PPP6R1: variants seen among roughly 807,000 people sequenced by gnomAD.
PPP6R1 encodes protein phosphatase 6 regulatory subunit 1.
PPP6R1 carries 39 observed loss-of-function variants against 104.6 expected under a neutral mutation model. That is an observed-to-expected ratio of 0.37 (90% confidence interval 0.29 to 0.49). The LOEUF (loss-of-function observed/expected upper bound fraction) is 0.49, where lower values mean the gene tolerates loss of function less well. Among genes scored for constraint, PPP6R1 ranks in the 20% least tolerant of loss-of-function variants. The pLI, the probability that PPP6R1 is intolerant of heterozygous loss-of-function variation, is 0.98. For missense variants in PPP6R1, 1,181 were observed against 1,155.8 expected (o/e 1.02, Z -0.32); for synonymous variants, 549 against 479.0 (o/e 1.15, Z -1.91).
Position 55,241,023 on chromosome 19 carries a change from G to C in PPP6R1, c.1218C>G (p.Cys406Trp), listed in dbSNP as rs562528086. 1.3e-6 allele frequency: 2 copies of C among 1,576,144 alleles called. No homozygotes were observed. Among genetic ancestry groups the C allele is most frequent in the South Asian group, 2.3e-5 (2 of 85,680 alleles). The change falls in exon 10 of 24, where the codon TGC (cysteine) becomes TGG (tryptophan). Residue 406 changes from cysteine to tryptophan, a missense_variant. Transcript: ENST00000412770. This position sits in a 1 kb window ranked among gnomAD's most constrained non-coding sequence, Gnocchi z 5.4. ...GCCCCAAGCTCAGCATGGTGCTCAC[G>C]CATCCCTCTACTTGGGCATGCAAGA... ...NNFLHAQVEG[C>W]VSTMLSLGPP...
At chr19:55,251,503 G>C (rs1023385305) in intron 1 of PPP6R1, among the ~76,000 whole-genome samples, 1 of 152,218 alleles carries the variant, frequency 6.6e-6, no homozygotes, top group Non-Finnish European at 1.5e-5. Flanking sequence ...GAAAGTGCAA[G>C]ATCGCCCTGG....
intron 1 of PPP6R1, chr19:55,255,596 CCCCATCAAGCCGGGTGCCGAGTGAT>C (rs2087586780): frequency 6.6e-6 from 1 of 152,370 alleles, no homozygotes; most frequent in African/African-American, 2.4e-5. Flanking sequence ...GGCAGGTGAG[CCCCATCAAGCCGGGTGCCGAGTGAT>C]TCCCACTCTG....
intron 1 of PPP6R1, among the ~76,000 whole-genome samples, chr19:55,249,227 TCACCAGTC>T (rs1389855815): frequency 2.6e-5 from 4 of 152,216 alleles, no homozygotes; most frequent in African/African-American, 9.6e-5. Flanking sequence ...CACTTACCCC[TCACCAGTC>T]CACTTTTCCC....
In PPP6R1 at chr19:55,241,472, C is replaced by T. The variant is rs1055727188; in HGVS notation, c.1008+5G>A. On this transcript the variant is annotated splice_donor_5th_base_variant and intron_variant, in intron 8 of 23. Coordinates refer to ENST00000412770, the MANE Select transcript of PPP6R1 (RefSeq NM_014931.4). This position sits in a 1 kb window ranked among gnomAD's most constrained non-coding sequence, Gnocchi z 5.4. ...TCCCCGAGGACCAGAACCCACACCC[C>T]TGACCTTGGGAGGCTCCAGCAGGAG... is the stretch of plus-strand genomic sequence containing the variant. 2.5e-6 allele frequency: 4 copies of T among 1,603,728 alleles called. No homozygotes were observed. The African/African-American group carries it at 5.4e-5, about 21-fold the overall frequency.
At chr19:55,257,838 C>T (rs1016171035) in intron 1 of PPP6R1, among the ~76,000 whole-genome samples, 3 of 152,268 alleles carry the variant, frequency 2.0e-5, no homozygotes, top group African/African-American at 7.2e-5. Context: ...AGGCTCCCTG[C>T]CTGCCCTCAG....
chr19:55,239,989 G>T lies in PPP6R1; in HGVS notation c.1477+10C>A, dbSNP rs777039288. On this transcript the variant is annotated intron_variant, in intron 12 of 23. Coordinates refer to ENST00000412770, the MANE Select transcript of PPP6R1 (RefSeq NM_014931.4). Reference sequence around the variant, plus strand: ...CCACCTAGCCCTCAGGCCGGCCTGGGGACCCTCACCCTTCAGCAGCTGCCG... The same window carrying T: ...CCACCTAGCCCTCAGGCCGGCCTGGTGACCCTCACCCTTCAGCAGCTGCCG... 6.2e-7 allele frequency: 1 copy of T among 1,607,032 alleles called. No homozygotes were observed. Among genetic ancestry groups the T allele is most frequent in the African/African-American group, 1.3e-5 (1 of 74,770 alleles).
At chr19:55,244,553 G>A (rs1189517850) in intron 5 of PPP6R1, among the ~76,000 whole-genome samples, 5 of 152,186 alleles carry the variant, frequency 3.3e-5, no homozygotes, top group Non-Finnish European at 5.9e-5. Flanking sequence ...TGGGGCCAGC[G>A]CTTGGACAGG....
chr19:55,230,970 C>G (rs776524023), intron 21 of PPP6R1, 86 bp from the exon 22 acceptor site: 33 of 1,179,874 alleles, frequency 2.8e-5, no homozygotes, highest in Non-Finnish European at 4.0e-5. Context: ...CTGAAGTCGG[C>G]TCACTGGGTG....
At chr19:55,244,712 T>C (rs1277602435) in intron 5 of PPP6R1, among the ~76,000 whole-genome samples, 1 of 152,166 alleles carries the variant, frequency 6.6e-6, no homozygotes, top group Non-Finnish European at 1.5e-5. Flanking sequence ...TACACCTGGT[T>C]CTCAATGCTC....
intron 1 of PPP6R1, among the ~76,000 whole-genome samples, chr19:55,250,746 C>G (rs79972989): frequency 0.041 from 6,168 of 152,176 alleles, 340 homozygotes; most frequent in African/African-American, 0.12. Context: ...ATCAGGCCTC[C>G]CACCCCGACC....
chr19:55,231,708 T>TTA, intron 19 of PPP6R1, 40 bp from the exon 20 acceptor site: 1 of 1,549,808 alleles, frequency 6.5e-7, no homozygotes, highest in Non-Finnish European at 8.7e-7. Flanking sequence ...GCAGCTAGGG[T>TTA]TAGCACTCGA....
At chr19:55,229,111 G>A (rs2087313272), downstream of PPP6R1, 1 of 244,034 alleles carries the variant, frequency 4.1e-6, no homozygotes, top group Non-Finnish European at 8.4e-6. Context: ...CTGGCTGGCA[G>A]GAGTGCCCCT....
intron 1 of PPP6R1, among the ~76,000 whole-genome samples, chr19:55,256,290 C>T (rs902366836): frequency 5.3e-5 from 8 of 152,242 alleles, no homozygotes; most frequent in African/African-American, 9.6e-5. Flanking sequence ...TCCTCCTCTG[C>T]GCTGCTAACA....
downstream of PPP6R1, chr19:55,229,003 C>T (rs2087312531): frequency 2.2e-6 from 1 of 460,262 alleles, no homozygotes; most frequent in East Asian, 3.5e-5. Flanking sequence ...GGAGGTTAGG[C>T]CCACAAATGC....
chr19:55,256,469 C>T (rs1413932403), intron 1 of PPP6R1, among the ~76,000 whole-genome samples: 1 of 152,222 alleles, frequency 6.6e-6, no homozygotes, highest in Non-Finnish European at 1.5e-5. Context: ...GGGACACAAT[C>T]GCCCCCAGTT....
intron 17 of PPP6R1, among the ~76,000 whole-genome samples, chr19:55,235,269 G>C (rs1434429587): frequency 6.6e-6 from 1 of 151,966 alleles, no homozygotes; most frequent in African/African-American, 2.4e-5. Context: ...GATTGGAGAG[G>C]GACGTCATCA....
chr19:55,254,923 G>A (rs2087581157), intron 1 of PPP6R1, among the ~76,000 whole-genome samples: 1 of 152,228 alleles, frequency 6.6e-6, no homozygotes, highest in South Asian at 2.1e-4. Context: ...CTCTGGGCAG[G>A]ACCTACGGTG....
chr19:55,253,169 C>T (rs994311943), intron 1 of PPP6R1, among the ~76,000 whole-genome samples: 1 of 152,250 alleles, frequency 6.6e-6, no homozygotes, highest in Non-Finnish European at 1.5e-5. Flanking sequence ...TGGACCCGCA[C>T]TTGCAGAGAC....
chr19:55,239,809 G>C lies in PPP6R1; in HGVS notation c.1563+17C>G. 6.2e-7 allele frequency: 1 copy of C among 1,612,634 alleles called. No individual in the cohort carries two copies. The highest frequency in any genetic ancestry group is 8.5e-7 in the Non-Finnish European group (1 of 1,178,880). On this transcript the variant is annotated intron_variant, in intron 13 of 23. Transcript: ENST00000412770. ...AGAAGCAGCAGGAGGAGTGCAGGAA[G>C]AGAAGCTGGGCCTCACCAGGTCCAC...
Sources: allele counts gnomAD v4.1 joint callset (sites outside exome capture counted in the v4.1 genomes callset), GRCh38; gene constraint gnomAD v4.1.1; non-coding constraint Gnocchi (gnomAD v3.1); transcripts MANE v1.5; gene names NCBI Gene and HGNC (gene_info 2026-07-23, HGNC 2026-07-21).